Variants in ELN observed in about 807,000 individuals in gnomAD.
The protein encoded by ELN is tropoelastin.
In ELN, 65 loss-of-function variants were observed where a neutral mutation model predicts 105.8. The ratio of observed to expected loss-of-function variants is 0.61; its 90% CI spans 0.50 to 0.75. The LOEUF is 0.75. ELN is among the 30% of genes least tolerant of loss of function. The pLI, the probability that ELN is intolerant of heterozygous loss-of-function variation, is 0.00. For synonymous variants in ELN, 368 were observed against 389.2 expected (o/e 0.95, Z 0.64); for missense variants, 882 against 969.4 (o/e 0.91, Z 1.20).
intron 22 of ELN, among the ~76,000 whole-genome samples, chr7:74,058,008 C>G (rs1795701431): frequency 6.6e-6 from 1 of 151,912 alleles, no homozygotes; most frequent in African/African-American, 2.4e-5. Context: ...CAGTTCTCCC[C>G]CTTCTCCTTC....
At position 74,056,350 on chromosome 7, in the gene ELN, A is replaced by G. The variant is rs1795216960; in HGVS notation, c.1230A>G (p.Gly410=). The change falls in exon 20 of 33, where the codon GGA becomes GGG. Residue 410 remains glycine, a synonymous_variant. Transcript: ENST00000252034. ...GGGGCTTTCCCGGCTTTGGTGTCGG[A>G]GTCGGAGGTATCCCTGGAGTCGCAG... ...GAGGFPGFGV[G]VGGIPGVAGV... is the part of the protein sequence containing the mutation. The G allele has an allele frequency of 6.2e-7, 1 of 1,613,150 alleles. No individual in the cohort carries two copies. Among genetic ancestry groups the G allele is most frequent in the African/African-American group, 1.3e-5 (1 of 74,768 alleles).
intron 21 of ELN, chr7:74,057,254 A>G (rs1290548196): frequency 9.0e-6 from 7 of 779,386 alleles, no homozygotes; most frequent in African/African-American, 1.8e-5. Flanking sequence ...TAAAAAAAAA[A>G]GAAAAAGAAA....
At chr7:74,062,904 G>A (rs965501849) in intron 26 of ELN, among the ~76,000 whole-genome samples, 11 of 152,132 alleles carry the variant, frequency 7.2e-5, no homozygotes, top group African/African-American at 2.7e-4. Context: ...GGGAGGCTAA[G>A]GCAGGAGGAT....
chr7:74,042,382 C>T (rs563570447), intron 5 of ELN, among the ~76,000 whole-genome samples: 10 of 151,676 alleles, frequency 6.6e-5, no homozygotes, highest in Non-Finnish European at 1.3e-4. Flanking sequence ...GAGCCAAGAT[C>T]GCACCACTGC....
intron 25 of ELN, 57 bp from the exon 26 acceptor site, chr7:74,061,044 A>G: frequency 6.2e-7 from 1 of 1,609,582 alleles, no homozygotes; most frequent in Admixed American, 1.7e-5. Context: ...GAGGCGGCAG[A>G]ACTCCCAGGC....
chr7:74,061,522 G>C (rs544043924), intron 26 of ELN, among the ~76,000 whole-genome samples: 4 of 151,970 alleles, frequency 2.6e-5, no homozygotes, highest in Non-Finnish European at 5.9e-5. Context: ...TGTGGTGGCG[G>C]GCACCTGTAA....
intron 2 of ELN, chr7:74,035,706 A>C (rs1303290044): frequency 1.3e-5 from 4 of 308,170 alleles, no homozygotes; most frequent in East Asian, 7.0e-5. Flanking sequence ...CCCCCTCTCT[A>C]CACACACACA....
intron 18 of ELN, among the ~76,000 whole-genome samples, chr7:74,054,507 G>A (rs1447964780): frequency 1.3e-5 from 2 of 151,976 alleles, no homozygotes; most frequent in African/African-American, 2.4e-5. Flanking sequence ...AGGTATAGAG[G>A]TGGGTCATTA....
intron 6 of ELN, 102 bp from the exon 7 acceptor site, chr7:74,042,882 A>T: frequency 6.3e-7 from 1 of 1,596,926 alleles, no homozygotes; most frequent in Non-Finnish European, 8.6e-7. Context: ...GTGAGTTAGT[A>T]ACGGGGCCAG....
intron 26 of ELN, among the ~76,000 whole-genome samples, chr7:74,062,806 C>T (rs1796985318): frequency 1.3e-5 from 2 of 152,174 alleles, no homozygotes; most frequent in South Asian, 4.1e-4. Flanking sequence ...TAGCCTCAGC[C>T]TCCCAAAGTG....
At chr7:74,036,781 TTA>T (rs1388143294) in intron 3 of ELN, among the ~76,000 whole-genome samples, 197 bp downstream of exon 3, 1 of 152,112 alleles carries the variant, frequency 6.6e-6, no homozygotes, top group Non-Finnish European at 1.5e-5. Context: ...CCCCTAGACT[TTA>T]TGTCTGGTGC....
chr7:74,060,997 A>C, intron 25 of ELN, 104 bp from the exon 26 acceptor site: 1 of 1,379,562 alleles, frequency 7.2e-7, no homozygotes, highest in Non-Finnish European at 1.0e-6. Context: ...TTGAGGAAGC[A>C]ATAGAGGCCA....
At chr7:74,043,400 T>C (rs1385357969) in intron 8 of ELN, 6 of 730,180 alleles carry the variant, frequency 8.2e-6, no homozygotes, top group African/African-American at 1.7e-5. Flanking sequence ...AGACGGGCTC[T>C]GTGGCAGGCT....
In ELN at chr7:74,054,353, C is replaced by T. The variant is rs185112757; in HGVS notation, c.1097-363C>T. ...GGCATGGTGGTGGGTGCCTGTAATC[C>T]TAGCTACTTGGGAGGCTGAGGCAGG... On this transcript the variant is annotated intron_variant, in intron 18 of 32. Transcript: ENST00000252034. Among the ~76,000 whole-genome samples, 9 of 152,028 alleles carry T rather than the reference C, an allele frequency of 5.9e-5. No individual in the cohort carries two copies. The East Asian group carries it at 1.7e-3, about 29-fold the overall frequency.
At position 74,063,240 on chromosome 7, in the gene ELN, A is replaced by G. The variant is rs782580688; in HGVS notation, c.1858+16A>G. ...GGTGTGGTGGGTGAGTTGAAACCCCAGGAGGGGCAGGGTGGGGAGGGAATC... is the reference window on the plus strand; with the variant it reads ...GGTGTGGTGGGTGAGTTGAAACCCCGGGAGGGGCAGGGTGGGGAGGGAATC... On this transcript the variant is annotated intron_variant, in intron 27 of 32. Transcript: ENST00000252034. The surrounding 1 kb of genome is among the most constrained non-coding windows in gnomAD (Gnocchi z 4.1). 6 of 1,602,432 alleles carry G rather than the reference A, an allele frequency of 3.7e-6. No homozygotes were observed. The East Asian group carries it at 1.3e-4, about 36-fold the overall frequency.
At chr7:74,065,864 T>G (rs1227485710) in intron 30 of ELN, 80 bp from the exon 31 acceptor site, 1 of 1,612,248 alleles carries the variant, frequency 6.2e-7, no homozygotes, top group Non-Finnish European at 8.5e-7. Flanking sequence ...GGGACATTCC[T>G]TAACCCAGAA....
At chr7:74,042,900 T>C (rs1791564041) in intron 6 of ELN, 84 bp from the exon 7 acceptor site, 2 of 1,607,004 alleles carry the variant, frequency 1.2e-6, no homozygotes, top group South Asian at 1.1e-5. Flanking sequence ...CAGACCTCAA[T>C]GCTGGGCCCT....
rs782205353 is a variant in ELN, at chr7:74,051,927, T to A, written c.893T>A (p.Val298Asp). 1 of 1,613,754 alleles carries A rather than the reference T, an allele frequency of 6.2e-7. No individual in the cohort carries two copies. Among genetic ancestry groups the A allele is most frequent in the Non-Finnish European group, 8.5e-7 (1 of 1,179,996 alleles). ...CCCTCTGTGGCTGTGTTTTCAGGCG[T>A]TGGGACTCCAGCTGCAGCTGCAGCT... ...AIPGIGGIAG[V>D]GTPAAAAAAA... Residue 298 changes from valine (V) to aspartate (D), a missense_variant, in exon 17 of 33, where the codon GTT becomes GAT. By Grantham distance (152) the Val-to-Asp change is radical (BLOSUM62 -3). Transcript: ENST00000252034.
At chr7:74,051,675 G>T in intron 15 of ELN, 75 bp from the exon 16 acceptor site, 1 of 1,557,176 alleles carries the variant, frequency 6.4e-7, no homozygotes. Flanking sequence ...GAAAACGCCG[G>T]CGTCTAAGTG....
Sources: allele counts gnomAD v4.1 joint callset (sites outside exome capture counted in the v4.1 genomes callset), GRCh38; gene constraint gnomAD v4.1.1; non-coding constraint Gnocchi (gnomAD v3.1); transcripts MANE v1.5; gene names NCBI Gene and HGNC (gene_info 2026-07-23, HGNC 2026-07-21).